KALRN: variants seen among roughly 807,000 people sequenced by gnomAD.
KALRN encodes the protein kalirin RhoGEF kinase, also known as kalirin.
KALRN carries 70 observed loss-of-function variants against 353.7 expected under a neutral mutation model. The observed-to-expected ratio is 0.20, with a 90% CI of 0.16 to 0.24. The LOEUF is 0.24. Ranked by LOEUF, KALRN falls within the 10% of genes least tolerant of loss-of-function variation. KALRN has a pLI of 1.00. For missense variants in KALRN, 2,791 were observed against 3,756.7 expected, an observed-to-expected ratio of 0.74 and a Z score of 6.72; for synonymous variants, 1,391 against 1,434.8, an observed-to-expected ratio of 0.97 and a Z score of 0.69.
At chr3:124,488,599 T>C in intron 29 of KALRN, 1 of 326,476 alleles carries the variant, frequency 3.1e-6, no homozygotes, top group Non-Finnish European at 5.7e-6. Context: ...TCACTGTTGA[T>C]GTGCTAGAGC....
intron 55 of KALRN, 91 bp downstream of exon 55, chr3:124,697,815 C>T (rs544941477): frequency 1.6e-6 from 2 of 1,272,530 alleles, no homozygotes; most frequent in African/African-American, 3.0e-5. Context: ...TAAAATTTAC[C>T]ATGCTAACCA....
intron 3 of KALRN, among the ~76,000 whole-genome samples, chr3:124,259,225 T>C (rs1276965107): frequency 1.3e-5 from 2 of 152,212 alleles, no homozygotes; most frequent in South Asian, 2.1e-4. Flanking sequence ...AGCTAGGCTC[T>C]GACATACCTG....
Position 124,699,046 on chromosome 3 carries a change from T to C in KALRN, c.7832-823T>C, listed in dbSNP as rs929759601. ...CCCTATCCCCCGAACCAAAACCATT[T>C]GTTTTATTCTACTTTCCATTATGCT... On this transcript the variant is annotated intron_variant, in intron 55 of 59. Transcript: ENST00000682506. Among the ~76,000 whole-genome samples, 5 of 152,350 alleles carry C rather than the reference T, an allele frequency of 3.3e-5. No individual in the cohort carries two copies. The East Asian group carries it at 7.7e-4, about 23-fold the overall frequency.
intron 9 of KALRN, among the ~76,000 whole-genome samples, chr3:124,344,583 CTAAAG>C (rs2082089276): frequency 6.6e-6 from 1 of 152,174 alleles, no homozygotes; most frequent in Non-Finnish European, 1.5e-5. Flanking sequence ...GTCTGGATTA[CTAAAG>C]TAATTTTGTT....
chr3:124,614,374 C>A (rs2078330328), intron 34 of KALRN, among the ~76,000 whole-genome samples: 1 of 151,014 alleles, frequency 6.6e-6, no homozygotes, highest in Non-Finnish European at 1.5e-5. Context: ...GCTCAATCAA[C>A]CCTCCCACCT....
Position 124,679,534 on chromosome 3 carries a change from T to C in KALRN, c.7377+17T>C, listed in dbSNP as rs1390440210. 1 of 1,605,264 alleles carries C rather than the reference T, an allele frequency of 6.2e-7. No individual in the cohort carries two copies. The highest frequency in any genetic ancestry group is 1.7e-5 in the Admixed American group (1 of 60,026). ...AGCATGGAGGTAGAAGCAGCTATTG[T>C]TGTCCTATTTCCTACAATGATTGCC... On this transcript the variant is annotated intron_variant, in intron 51 of 59. Coordinates refer to ENST00000682506, the MANE Select transcript of KALRN (RefSeq NM_001388419.1).
Position 124,618,455 on chromosome 3 carries a change from A to C in KALRN, c.5183-13965A>C, listed in dbSNP as rs185656359. ...TGAATGAAAAGTCTGCTGGTAGGAG[A>C]ACAAAACTGGAAGTTAGCCTTGCCC... is the stretch of plus-strand genomic sequence containing the variant. On this transcript the variant is annotated intron_variant, in intron 34 of 59. Coordinates refer to ENST00000682506, the MANE Select transcript of KALRN (RefSeq NM_001388419.1). 2.6e-5 allele frequency among the ~76,000 whole-genome samples: 4 copies of C among 152,174 alleles called. No homozygotes were observed. The East Asian group carries it at 7.7e-4, about 29-fold the overall frequency.
At chr3:124,390,519 T>C (rs1020817336) in intron 11 of KALRN, among the ~76,000 whole-genome samples, 2 of 152,194 alleles carry the variant, frequency 1.3e-5, no homozygotes, top group Non-Finnish European at 2.9e-5. Context: ...AGATGATGGC[T>C]TTAAGAACAA....
At position 124,664,370 on chromosome 3, in the gene KALRN, T is replaced by TGTGTGC. The variant is rs370394911; in HGVS notation, c.6346-2078_6346-2077insTGTGCG. Reference sequence around the variant, plus strand: ...GTGTGTGTGTGTGTGTGTGTGTGTGTGCGCGCGCGCGCATATAAGGGCACC... The same window carrying TGTGTGC: ...GTGTGTGTGTGTGTGTGTGTGTGTGTGTGTGCGCGCGCGCGCGCATATAAGGGCACC... On this transcript the variant is annotated intron_variant, in intron 45 of 59. Transcript: ENST00000682506. Among the ~76,000 whole-genome samples, 837 of 129,528 alleles carry TGTGTGC rather than the reference T, an allele frequency of 6.5e-3. 6 individuals are homozygous for TGTGTGC. Among genetic ancestry groups the TGTGTGC allele is most frequent in the African/African-American group, 0.015 (523 of 34,528 alleles). 85.0% of individuals were successfully genotyped at this position (129,528 alleles called of 152,430 possible).
chr3:124,489,712 T>A (rs944305017), intron 29 of KALRN, among the ~76,000 whole-genome samples: 6 of 152,160 alleles, frequency 3.9e-5, no homozygotes, highest in African/African-American at 1.4e-4. Flanking sequence ...ACTCCATGCA[T>A]GGTCTGTTTA....
chr3:124,145,058 C>G (rs2067157088), intron 1 of KALRN, among the ~76,000 whole-genome samples: 1 of 152,070 alleles, frequency 6.6e-6, no homozygotes, highest in East Asian at 1.9e-4. Flanking sequence ...AGGGGAGGAG[C>G]AAGCCCTTCT....
chr3:124,264,726 C>T (rs752310849), intron 4 of KALRN, 36 bp downstream of exon 4: 2 of 1,557,064 alleles, frequency 1.3e-6, no homozygotes, highest in East Asian at 2.2e-5. Context: ...ATCTTCTTTC[C>T]CTTCCCCTTC....
chr3:124,093,006 C>G (rs2061212867), intron 1 of KALRN, among the ~76,000 whole-genome samples: 1 of 152,150 alleles, frequency 6.6e-6, no homozygotes, highest in Non-Finnish European at 1.5e-5. Flanking sequence ...GAAAATAATG[C>G]TAACAGAGCC....
intron 12 of KALRN, among the ~76,000 whole-genome samples, chr3:124,397,753 A>T (rs1455127218): frequency 9.9e-5 from 15 of 152,158 alleles, no homozygotes; most frequent in Admixed American, 9.8e-4. Flanking sequence ...GCCTGCTCAG[A>T]GGAGGCTGCA....
At chr3:124,525,140 C>T (rs1374106909) in intron 33 of KALRN, among the ~76,000 whole-genome samples, 1 of 152,172 alleles carries the variant, frequency 6.6e-6, no homozygotes, top group Non-Finnish European at 1.5e-5. Context: ...TACTAATGAC[C>T]ATCAAAGGTG....
chr3:124,588,107 AG>A (rs1247604438), intron 34 of KALRN, among the ~76,000 whole-genome samples: 8 of 152,204 alleles, frequency 5.3e-5, no homozygotes, highest in Admixed American at 5.2e-4. Context: ...AAGGATAGAA[AG>A]GAAATAGATA....
intron 34 of KALRN, among the ~76,000 whole-genome samples, chr3:124,613,663 C>T (rs2078248831): frequency 6.6e-6 from 1 of 152,194 alleles, no homozygotes; most frequent in Non-Finnish European, 1.5e-5. Context: ...GTTAGGTAAC[C>T]TAAATCAGTG....
At chr3:124,553,000 A>G (rs1270239937) in intron 33 of KALRN, among the ~76,000 whole-genome samples, 1 of 152,182 alleles carries the variant, frequency 6.6e-6, no homozygotes, top group African/African-American at 2.4e-5. Context: ...TCCTGACCTC[A>G]GGTGATCTGC....
intron 33 of KALRN, among the ~76,000 whole-genome samples, chr3:124,532,731 G>T (rs2068146169): frequency 6.6e-6 from 1 of 152,050 alleles, no homozygotes; most frequent in African/African-American, 2.4e-5. Context: ...TGCTTGAGAG[G>T]CGGAGGTTGC....
Sources: gnomAD v4.1 joint callset for allele counts (sites outside exome capture counted in the v4.1 genomes callset) on GRCh38, gnomAD v4.1.1 for gene constraint, MANE v1.5 for transcripts, NCBI Gene and HGNC (gene_info 2026-07-23, HGNC 2026-07-21) for gene names.